TMEM181: variants seen among roughly 807,000 people sequenced by gnomAD.
TMEM181 encodes the protein transmembrane protein 181, also known as G protein-coupled receptor 178.
Under a neutral mutation model 71.9 loss-of-function variants are expected in TMEM181, and 39 were observed. The ratio of observed to expected loss-of-function variants is 0.54; its 90% confidence interval spans 0.42 to 0.71. The LOEUF (loss-of-function observed/expected upper bound fraction) is 0.71, where lower values mean the gene tolerates loss of function less well. Ranked by LOEUF, TMEM181 falls within the 30% of genes least tolerant of loss-of-function variation. TMEM181 has a pLI of 0.00. For missense variants in TMEM181, 595 were observed against 583.0 expected, an observed-to-expected ratio of 1.02 and a Z score of -0.21; for synonymous variants, 245 against 228.8, an observed-to-expected ratio of 1.07 and a Z score of -0.64.
intron 6 of TMEM181, among the ~76,000 whole-genome samples, chr6:158,602,562 T>G (rs1784726636): frequency 6.6e-6 from 1 of 152,158 alleles, no homozygotes; most frequent in African/African-American, 2.4e-5. Context: ...TTGGCTGTTC[T>G]AATCGGTGTA....
At chr6:158,630,862 G>C (rs1260781587) in intron 15 of TMEM181, among the ~76,000 whole-genome samples, 1 of 151,568 alleles carries the variant, frequency 6.6e-6, no homozygotes, top group Admixed American at 6.6e-5. Flanking sequence ...GCTAGCACTT[G>C]CCCAGCACCT....
chr6:158,622,262 T>C (rs888564324), intron 10 of TMEM181, among the ~76,000 whole-genome samples: 7 of 152,252 alleles, frequency 4.6e-5, no homozygotes, highest in Non-Finnish European at 1.0e-4. Context: ...AAAAGTTGTG[T>C]GACGTGCTCT....
Position 158,625,106 on chromosome 6 carries a change from A to C in TMEM181, c.957A>C (p.Gly319=). ...AGTGCTGCCTTGTGTCCTCCTAGGGAATGAAGGTCTTCTTCATGGTGGTGG... is the reference window on the plus strand; with the variant it reads ...AGTGCTGCCTTGTGTCCTCCTAGGGCATGAAGGTCTTCTTCATGGTGGTGG... ...QYRVDTGNFQ[G]MKVFFMVVAA... The change falls in exon 12 of 17, where the codon GGA becomes GGC. Residue 319 remains glycine, a splice_region_variant and synonymous_variant. Coordinates refer to ENST00000684151, the MANE Select transcript of TMEM181 (RefSeq NM_001376852.1). 6.2e-7 allele frequency: 1 copy of C among 1,612,012 alleles called. No homozygotes were observed. The highest frequency in any genetic ancestry group is 8.5e-7 in the Non-Finnish European group (1 of 1,178,080).
chr6:158,617,859 C>T (rs980791500), intron 10 of TMEM181, among the ~76,000 whole-genome samples: 19 of 152,188 alleles, frequency 1.2e-4, no homozygotes, highest in Admixed American at 5.9e-4. Context: ...GTTATAATTT[C>T]TGTTCTTTTA....
chr6:158,539,537 A>G (rs1477264796), intron 1 of TMEM181, among the ~76,000 whole-genome samples: 3 of 152,002 alleles, frequency 2.0e-5, no homozygotes, highest in Non-Finnish European at 4.4e-5. Context: ...AGGACCGGGG[A>G]CTCACCTCAC....
At position 158,608,293 on chromosome 6, in the gene TMEM181, G is replaced by A. The variant is rs571597304; in HGVS notation, c.674-40G>A. 377 of 1,612,842 alleles carry A rather than the reference G, an allele frequency of 2.3e-4. 5 individuals carry two copies. The South Asian group carries it at 4.0e-3, about 17-fold the overall frequency. ...GGGTGCTGTCTGCCAGGTGCTGGCG[G>A]GCCTGTTTTCCACATGGATTTCTGC... On this transcript the variant is annotated intron_variant, in intron 8 of 16. Coordinates refer to ENST00000684151, the MANE Select transcript of TMEM181 (RefSeq NM_001376852.1).
Position 158,584,024 on chromosome 6 carries a change from T to G in TMEM181, c.239T>G (p.Val80Gly). Reference protein sequence around the residue: ...YNQQLWLTCVVELDQSKETSI... With the variant: ...YNQQLWLTCVGELDQSKETSI... ...CAGCAACTATGGCTGACATGTGTTG[T>G]TGAGTTGGATCAATCAAAAGGTATG... The change falls in exon 4 of 17, where the codon GTT (valine) becomes GGT (glycine). Residue 80 changes from valine to glycine, a missense_variant. Val to Gly is a moderately radical substitution (Grantham distance 109). Coordinates refer to ENST00000684151, the MANE Select transcript of TMEM181 (RefSeq NM_001376852.1). 6.2e-7 allele frequency: 1 copy of G among 1,611,882 alleles called. No homozygotes were observed. The highest frequency in any genetic ancestry group is 1.1e-5 in the South Asian group (1 of 90,476).
chr6:158,544,095 G>T, intron 1 of TMEM181, among the ~76,000 whole-genome samples: 1 of 151,980 alleles, frequency 6.6e-6, no homozygotes, highest in Non-Finnish European at 1.5e-5. Flanking sequence ...TCTGGATCAG[G>T]GTGGCTCCGT....
At chr6:158,551,545 C>A (rs990347291) in intron 1 of TMEM181, among the ~76,000 whole-genome samples, 1 of 152,022 alleles carries the variant, frequency 6.6e-6, no homozygotes, top group African/African-American at 2.4e-5. Context: ...TTATTATAAT[C>A]GGGAATTGCC....
rs752186985 is a variant in TMEM181, at chr6:158,589,726, A to G, written c.436A>G (p.Thr146Ala). 3 of 1,614,190 alleles carry G rather than the reference A, an allele frequency of 1.9e-6. No individual in the cohort carries two copies. Among genetic ancestry groups the G allele is most frequent in the East Asian group, 2.2e-5 (1 of 44,882 alleles). Reference sequence around the variant, plus strand: ...TGGCTACCTGAACTACACTCAGTATACAGTGATAGTGGGATTTGAACACCT... The same window carrying G: ...TGGCTACCTGAACTACACTCAGTATGCAGTGATAGTGGGATTTGAACACCT... ...HLGYLNYTQYTVIVGFEHLKL... is the reference protein window; with the variant it reads ...HLGYLNYTQYAVIVGFEHLKL... The change falls in exon 6 of 17, where the codon ACA becomes GCA. Residue 146 changes from threonine to alanine, a missense_variant. Transcript: ENST00000684151.
intron 3 of TMEM181, among the ~76,000 whole-genome samples, chr6:158,581,746 T>G (rs1302949616): frequency 9.5e-6 from 1 of 105,204 alleles, no homozygotes; most frequent in Admixed American, 1.1e-4. Flanking sequence ...AGAGTGAGAC[T>G]CTGTCTCAAA....
rs188210684 is a variant in TMEM181, at chr6:158,617,168, A to G, written c.897-6382A>G. ...TATTGCCTCAATTTCAGAGCCTGTT[A>G]TTGGTCTATTAAGAGATTCAGCTTC... On this transcript the variant is annotated intron_variant, in intron 10 of 16. Coordinates refer to ENST00000684151, the MANE Select transcript of TMEM181 (RefSeq NM_001376852.1). Among the ~76,000 whole-genome samples the G allele has an allele frequency of 1.2e-3, 189 of 152,162 alleles. 2 individuals are homozygous for G. Among genetic ancestry groups the G allele is most frequent in the Non-Finnish European group, 2.3e-3 (156 of 67,998 alleles).
At position 158,632,081 on chromosome 6, in the gene TMEM181, G is replaced by A; in HGVS notation, c.*193G>A. 1.7e-6 allele frequency: 1 copy of A among 577,574 alleles called. No homozygotes were observed. Among genetic ancestry groups the A allele is most frequent in the South Asian group, 2.3e-5 (1 of 43,760 alleles). 35.8% of individuals were successfully genotyped at this position (577,574 alleles called of 1,614,324 possible). A position where few individuals can be genotyped will look rare whatever the true frequency, so the allele number is the denominator to read the frequency against. Reference sequence around the variant, plus strand: ...TTTAGCCAAATTTATTGTCATGGTGGCTACGAGAAGAGGCATTGATAACAA... The same window carrying A: ...TTTAGCCAAATTTATTGTCATGGTGACTACGAGAAGAGGCATTGATAACAA... On this transcript the variant is annotated 3_prime_UTR_variant, in exon 17 of 17. Transcript: ENST00000684151.
chr6:158,593,785 A>G lies in TMEM181; in HGVS notation c.492+4003A>G, dbSNP rs145445795. Reference sequence around the variant, plus strand: ...AGAGCAATTTTAGTTTCACAGCAAAATTGAGAGGAAGGTACAGAGAGTTCC... The same window carrying G: ...AGAGCAATTTTAGTTTCACAGCAAAGTTGAGAGGAAGGTACAGAGAGTTCC... On this transcript the variant is annotated intron_variant, in intron 6 of 16. Coordinates refer to ENST00000684151, the MANE Select transcript of TMEM181 (RefSeq NM_001376852.1). Among the ~76,000 whole-genome samples the G allele has an allele frequency of 1.2e-3, 187 of 152,242 alleles. 1 individual carries two copies. Among genetic ancestry groups the G allele is most frequent in the African/African-American group, 4.0e-3 (165 of 41,542 alleles).
At chr6:158,599,348 C>T (rs902685152) in intron 6 of TMEM181, among the ~76,000 whole-genome samples, 2 of 152,060 alleles carry the variant, frequency 1.3e-5, no homozygotes, top group African/African-American at 2.4e-5. Context: ...AAGGTAACTT[C>T]GTGGTGTCAC....
In TMEM181 at chr6:158,580,921, C is replaced by T. The variant is rs1783434829; in HGVS notation, c.113-19C>T. On this transcript the variant is annotated intron_variant, in intron 2 of 16. Transcript: ENST00000684151. ...AATATTGCTATAATCTGCTTTTGTC[C>T]TTTTCTGTTACACTTTAGGACCTAA... 6.3e-7 allele frequency: 1 copy of T among 1,581,282 alleles called. No homozygotes were observed. Among genetic ancestry groups the T allele is most frequent in the South Asian group, 1.1e-5 (1 of 88,514 alleles).
At chr6:158,630,484 C>T (rs569240650) in intron 15 of TMEM181, among the ~76,000 whole-genome samples, 62 of 151,968 alleles carry the variant, frequency 4.1e-4, no homozygotes, top group Middle Eastern at 3.4e-3. Context: ...AGAATGAGAC[C>T]CTGTCTCTTA....
chr6:158,536,739 A>C (rs755109584), exon 1 of TMEM181: 11 of 1,575,760 alleles, frequency 7.0e-6, no homozygotes, highest in Non-Finnish European at 9.4e-6. Context: ...CGCGGCATGG[A>C]CGCCGAGTAC....
At chr6:158,602,796 C>T (rs775893871) in intron 6 of TMEM181, among the ~76,000 whole-genome samples, 9 of 151,878 alleles carry the variant, frequency 5.9e-5, no homozygotes, top group Non-Finnish European at 1.2e-4. Context: ...TGACCAGGCT[C>T]ACCTCAAACT....
Sources: allele counts gnomAD v4.1 joint callset (sites outside exome capture counted in the v4.1 genomes callset), GRCh38; gene constraint gnomAD v4.1.1; transcripts MANE v1.5; gene names NCBI Gene and HGNC (gene_info 2026-07-23, HGNC 2026-07-21).